CSMD3: variants seen among roughly 807,000 people sequenced by gnomAD.
The protein encoded by CSMD3 is CUB and Sushi multiple domains 3, also known as CUB and sushi domain-containing protein 3.
Under a neutral mutation model 435.2 loss-of-function variants are expected in CSMD3, and 177 were observed. The observed-to-expected ratio is 0.41, with a 90% CI of 0.36 to 0.46. The LOEUF is 0.46. CSMD3 is among the 20% of genes least tolerant of loss of function. CSMD3 has a pLI of 0.34. For synonymous variants in CSMD3, 1,656 were observed against 1,520.5 expected (o/e 1.09, Z -2.07); for missense variants, 4,265 against 4,504.6 (o/e 0.95, Z 1.52).
intron 11 of CSMD3, among the ~76,000 whole-genome samples, chr8:112,852,143 T>A (rs1419362865): frequency 6.6e-6 from 1 of 151,854 alleles, no homozygotes; most frequent in Non-Finnish European, 1.5e-5. Flanking sequence ...CAAGGGAAGA[T>A]CCCAACCTAA....
chr8:113,200,631 C>T (rs776733905), intron 3 of CSMD3, among the ~76,000 whole-genome samples: 8 of 151,094 alleles, frequency 5.3e-5, no homozygotes, highest in Non-Finnish European at 1.0e-4. Flanking sequence ...CTGGGTTACA[C>T]GTGCAGAACG....
At chr8:112,798,692 C>T (rs1455325992) in intron 13 of CSMD3, among the ~76,000 whole-genome samples, 3 of 151,786 alleles carry the variant, frequency 2.0e-5, no homozygotes, top group African/African-American at 4.8e-5. Flanking sequence ...GTTGCTCCAA[C>T]CTATTCATGA....
intron 5 of CSMD3, among the ~76,000 whole-genome samples, chr8:113,070,353 G>C (rs1427262906): frequency 6.6e-6 from 1 of 151,912 alleles, no homozygotes; most frequent in Non-Finnish European, 1.5e-5. Flanking sequence ...TTAGTAAAAA[G>C]GATGAGAAAA....
chr8:112,646,649 C>T (rs554000581), intron 19 of CSMD3, among the ~76,000 whole-genome samples: 1 of 152,056 alleles, frequency 6.6e-6, no homozygotes, highest in Non-Finnish European at 1.5e-5. Context: ...TGGTCAACAA[C>T]TAATATAACA....
At chr8:112,384,002 T>C (rs544071079) in intron 36 of CSMD3, among the ~76,000 whole-genome samples, 2 of 152,264 alleles carry the variant, frequency 1.3e-5, no homozygotes, top group African/African-American at 4.8e-5. Context: ...AAACAATCGG[T>C]GAATTTTTAT....
At chr8:112,545,507 TA>T (rs1234962952) in intron 27 of CSMD3, among the ~76,000 whole-genome samples, 1 of 93,526 alleles carries the variant, frequency 1.1e-5, no homozygotes, top group Admixed American at 1.4e-4. Context: ...AAAAAAATAA[TA>T]ATAATAATAA....
chr8:112,460,190 C>T lies in CSMD3; in HGVS notation c.5395+12401G>A, dbSNP rs544829537. On this transcript the variant is annotated intron_variant, in intron 32 of 70. Transcript: ENST00000297405. Reference sequence around the variant, plus strand: ...AGGGCAGGAACCATTGTTTACATAACCTGAACATTCAGATTCTAGCTCAAG... The same window carrying T: ...AGGGCAGGAACCATTGTTTACATAATCTGAACATTCAGATTCTAGCTCAAG... 5.3e-5 allele frequency among the ~76,000 whole-genome samples: 8 copies of T among 152,126 alleles called. No homozygotes were observed. In the South Asian group the frequency reaches 1.5e-3, roughly 28 times the overall value.
At chr8:113,378,146 A>G (rs2133091529) in intron 1 of CSMD3, among the ~76,000 whole-genome samples, 2 of 152,332 alleles carry the variant, frequency 1.3e-5, no homozygotes, top group Middle Eastern at 6.8e-3. Flanking sequence ...CATAACCCTT[A>G]GAACGGCATT....
At chr8:112,527,400 G>A (rs924345673) in intron 27 of CSMD3, among the ~76,000 whole-genome samples, 1 of 151,834 alleles carries the variant, frequency 6.6e-6, no homozygotes, top group African/African-American at 2.4e-5. Flanking sequence ...CAAAATGTAT[G>A]CAGCTCATAA....
chr8:113,237,304 G>A (rs2093161546), intron 3 of CSMD3, among the ~76,000 whole-genome samples: 1 of 152,156 alleles, frequency 6.6e-6, no homozygotes, highest in Non-Finnish European at 1.5e-5. Flanking sequence ...CATCATAAAT[G>A]AAAAATGGTC....
chr8:112,745,518 A>C (rs1243913243), intron 13 of CSMD3, among the ~76,000 whole-genome samples: 1 of 152,012 alleles, frequency 6.6e-6, no homozygotes, highest in Non-Finnish European at 1.5e-5. Context: ...TATTATGCAT[A>C]CTCAGAAATG....
At chr8:112,605,232 A>C (rs1832697139) in intron 22 of CSMD3, among the ~76,000 whole-genome samples, 1 of 152,188 alleles carries the variant, frequency 6.6e-6, no homozygotes, top group Non-Finnish European at 1.5e-5. Context: ...TATTTCTCAA[A>C]GAAGTTAAAA....
chr8:112,528,839 G>A (rs1389823776), intron 27 of CSMD3, among the ~76,000 whole-genome samples: 1 of 151,946 alleles, frequency 6.6e-6, no homozygotes, highest in Non-Finnish European at 1.5e-5. Flanking sequence ...GAGGAGAAAG[G>A]CCTTGGTTTG....
chr8:113,085,265 T>A (rs558221536), intron 5 of CSMD3, among the ~76,000 whole-genome samples: 2 of 151,774 alleles, frequency 1.3e-5, no homozygotes, highest in South Asian at 2.1e-4. Context: ...CACAAATAAT[T>A]CAGTTAAAAG....
intron 70 of CSMD3, 101 bp downstream of exon 70, chr8:112,228,655 C>A (rs2129829235): frequency 7.8e-7 from 1 of 1,282,900 alleles, no homozygotes; most frequent in South Asian, 1.2e-5. Flanking sequence ...ATTTCAACAA[C>A]TCAGAAGAAA....
intron 3 of CSMD3, among the ~76,000 whole-genome samples, chr8:113,230,336 T>G (rs1179494668): frequency 6.6e-6 from 1 of 151,610 alleles, no homozygotes; most frequent in African/African-American, 2.4e-5. Flanking sequence ...AAACACTAAG[T>G]AAATTTCCTT....
intron 31 of CSMD3, among the ~76,000 whole-genome samples, chr8:112,490,861 A>G (rs1820619197): frequency 6.6e-6 from 1 of 152,154 alleles, no homozygotes; most frequent in Admixed American, 6.5e-5. Flanking sequence ...TAAATTTCCT[A>G]TAAACTTCCA....
At chr8:112,309,378 T>A (rs2130804111) in intron 50 of CSMD3, among the ~76,000 whole-genome samples, 1 of 151,944 alleles carries the variant, frequency 6.6e-6, no homozygotes, top group Non-Finnish European at 1.5e-5. Flanking sequence ...ATTATGTAAC[T>A]AAAATACAAA....
At chr8:113,274,339 A>C (rs1383241955) in intron 3 of CSMD3, among the ~76,000 whole-genome samples, 1 of 152,160 alleles carries the variant, frequency 6.6e-6, no homozygotes, top group African/African-American at 2.4e-5. Flanking sequence ...GTATGAAAGT[A>C]GAGACTGTAT....
Sources: allele counts gnomAD v4.1 joint callset (sites outside exome capture counted in the v4.1 genomes callset), GRCh38; gene constraint gnomAD v4.1.1; transcripts MANE v1.5; gene names NCBI Gene and HGNC (gene_info 2026-07-23, HGNC 2026-07-21).